The following STK32C variants were observed in gnomAD, a reference collection of about 807,000 sequenced individuals.
The protein encoded by STK32C is serine/threonine kinase 32C.
Under a neutral mutation model 56.5 loss-of-function variants are expected in STK32C, and 31 were observed. The ratio of observed to expected loss-of-function variants is 0.55; its 90% confidence interval spans 0.41 to 0.74. The LOEUF is 0.74. Among genes scored for constraint, STK32C ranks in the 30% least tolerant of loss-of-function variants. The pLI is 0.00. For synonymous variants in STK32C, 309 were observed against 289.4 expected, an observed-to-expected ratio of 1.07 and a Z score of -0.69; for missense variants, 544 against 676.9, an observed-to-expected ratio of 0.80 and a Z score of 2.18.
intron 1 of STK32C, among the ~76,000 whole-genome samples, chr10:132,297,818 G>A (rs946130940): frequency 2.6e-5 from 4 of 152,208 alleles, no homozygotes; most frequent in Admixed American, 6.5e-5. Context: ...GTGCACACCC[G>A]CCTGGTCTCT....
At chr10:132,248,152 C>T (rs1423094116) in intron 1 of STK32C, among the ~76,000 whole-genome samples, 2 of 152,230 alleles carry the variant, frequency 1.3e-5, no homozygotes, top group African/African-American at 2.4e-5. Context: ...CAGCCCGGGC[C>T]GCGGCCGCAC....
intron 1 of STK32C, among the ~76,000 whole-genome samples, chr10:132,264,554 G>A (rs1469955642): frequency 6.6e-6 from 1 of 152,212 alleles, no homozygotes; most frequent in East Asian, 1.9e-4. Flanking sequence ...CTCAGGGAGA[G>A]GAGGGACCCG....
At chr10:132,273,728 GAGTGAATGAATGCAC>G (rs1429180414) in intron 1 of STK32C, among the ~76,000 whole-genome samples, 3 of 152,204 alleles carry the variant, frequency 2.0e-5, no homozygotes, top group Non-Finnish European at 4.4e-5. Context: ...AACACACGGT[GAGTGAATGAATGCAC>G]AGTGAATGAA....
intron 1 of STK32C, among the ~76,000 whole-genome samples, chr10:132,253,431 CGAGGGAGCTG>C (rs1224407130): frequency 1.6e-5 from 2 of 124,460 alleles, no homozygotes; most frequent in Non-Finnish European, 3.2e-5. Flanking sequence ...TGGAGGGAGT[CGAGGGAGCTG>C]GAGGGAGTCG....
chr10:132,229,168 C>T (rs2063006142), intron 2 of STK32C, among the ~76,000 whole-genome samples: 1 of 152,252 alleles, frequency 6.6e-6, no homozygotes, highest in Non-Finnish European at 1.5e-5. Flanking sequence ...TAACCCCTGT[C>T]TGACACTCAG....
Position 132,304,263 on chromosome 10 carries a change from C to G in STK32C, c.262+3309G>C, listed in dbSNP as rs182717693. On this transcript the variant is annotated intron_variant, in intron 1 of 11. Coordinates refer to ENST00000298630, the MANE Select transcript of STK32C (RefSeq NM_173575.4). ...ACTGCAGAGTCGGGAATCTCAGCCTCGACTGCTGGTAAAACTCAAGAGGGG... is the reference window on the plus strand; with the variant it reads ...ACTGCAGAGTCGGGAATCTCAGCCTGGACTGCTGGTAAAACTCAAGAGGGG... Among the ~76,000 whole-genome samples, 5 of 152,186 alleles carry G rather than the reference C, an allele frequency of 3.3e-5. No individual in the cohort carries two copies. The South Asian group carries it at 6.2e-4, about 19-fold the overall frequency.
chr10:132,307,792 C>A lies in STK32C; in HGVS notation c.42G>T (p.Ala14=). 1.0e-6 allele frequency: 1 copy of A among 994,810 alleles called. No individual in the cohort carries two copies. The highest frequency in any genetic ancestry group is 4.4e-5 in the South Asian group (1 of 22,606). The allele number at this position is 994,810 out of a possible 1,614,324, so 61.6% of individuals were successfully genotyped here. A position where few individuals can be genotyped will look rare whatever the true frequency, so the allele number is the denominator to read the frequency against. ...GAERRGSSAA[A]SPGSPPPGRA... ...GGCCGGGGGGCGGCGAGCCCGGGGACGCCGCGGCGCTGCTGCCCCTGCGCT... is the reference window on the plus strand; with the variant it reads ...GGCCGGGGGGCGGCGAGCCCGGGGAAGCCGCGGCGCTGCTGCCCCTGCGCT... The change falls in exon 1 of 12, where the codon GCG becomes GCT. Residue 14 remains alanine (A), a synonymous_variant. Transcript: ENST00000298630. The surrounding 1 kb of genome is among the most constrained non-coding windows in gnomAD (Gnocchi z 4.4).
At chr10:132,250,962 G>C (rs968618531) in intron 1 of STK32C, among the ~76,000 whole-genome samples, 3 of 152,202 alleles carry the variant, frequency 2.0e-5, no homozygotes, top group Non-Finnish European at 4.4e-5. Context: ...TCCTCTGCCA[G>C]TGGGAGGGTA....
chr10:132,307,874 T>C lies in STK32C; in HGVS notation c.-41A>G. On this transcript the variant is annotated 5_prime_UTR_variant, in exon 1 of 12. An upstream start codon of the reference 5' UTR is lost. Coordinates refer to ENST00000298630, the MANE Select transcript of STK32C (RefSeq NM_173575.4). The surrounding 1 kb of genome is among the most constrained non-coding windows in gnomAD (Gnocchi z 4.4). ...CGCGCGGCAGCCGGAACTCGGGGCA[T>C]GGCCGGCCGGCAGGGCCGGGAGCGG... 8.8e-7 allele frequency: 1 copy of C among 1,140,630 alleles called. No individual in the cohort carries two copies. The highest frequency in any genetic ancestry group is 1.1e-6 in the Non-Finnish European group (1 of 923,498). The allele number at this position is 1,140,630 out of a possible 1,614,324, so 70.7% of individuals were successfully genotyped here. A position where few individuals can be genotyped will look rare whatever the true frequency, so the allele number is the denominator to read the frequency against.
intron 2 of STK32C, among the ~76,000 whole-genome samples, chr10:132,233,713 A>G (rs1295633538): frequency 6.6e-6 from 1 of 152,214 alleles, no homozygotes; most frequent in African/African-American, 2.4e-5. Flanking sequence ...TATGGCTGTC[A>G]GGTGTTGGTG....
At chr10:132,252,653 A>G (rs77572552) in intron 1 of STK32C, among the ~76,000 whole-genome samples, 2,706 of 152,064 alleles carry the variant, frequency 0.018, 86 homozygotes, top group African/African-American at 0.06. Flanking sequence ...GGATGGACGG[A>G]GCGGCTCGGA....
At chr10:132,272,267 G>A (rs1345379692) in intron 1 of STK32C, among the ~76,000 whole-genome samples, 2 of 152,232 alleles carry the variant, frequency 1.3e-5, no homozygotes, top group East Asian at 3.9e-4. Context: ...GAATGGCCAC[G>A]TGAGGACGCT....
Position 132,207,912 on chromosome 10 carries a change from G to A in STK32C, c.*98C>T. ...CACTGTGGGCACCGCCAGCCAGGCTGGGTGGGAACGTGAATGCCAGGCCTC... is the reference window on the plus strand; with the variant it reads ...CACTGTGGGCACCGCCAGCCAGGCTAGGTGGGAACGTGAATGCCAGGCCTC... On this transcript the variant is annotated 3_prime_UTR_variant, in exon 12 of 12. Coordinates refer to ENST00000298630, the MANE Select transcript of STK32C (RefSeq NM_173575.4). 4 of 1,228,504 alleles carry A rather than the reference G, an allele frequency of 3.3e-6. No homozygotes were observed. Among genetic ancestry groups the A allele is most frequent in the Non-Finnish European group, 3.1e-6 (3 of 974,964 alleles). The allele number at this position is 1,228,504 out of a possible 1,614,324, so 76.1% of individuals were successfully genotyped here.
At chr10:132,216,808 G>A (rs549643175) in intron 10 of STK32C, among the ~76,000 whole-genome samples, 2 of 152,356 alleles carry the variant, frequency 1.3e-5, no homozygotes, top group African/African-American at 4.8e-5. Context: ...TCCATGTGGT[G>A]TTGAGCCCGC....
chr10:132,313,258 G>A (rs749905636), intron 1 of STK32C, among the ~76,000 whole-genome samples: 1 of 152,154 alleles, frequency 6.6e-6, no homozygotes, highest in Non-Finnish European at 1.5e-5. Context: ...GCCGAGTGAC[G>A]GTTAAGTCAC....
chr10:132,308,373 C>G (rs2066150290), upstream of STK32C, among the ~76,000 whole-genome samples: 1 of 152,184 alleles, frequency 6.6e-6, no homozygotes, highest in South Asian at 2.1e-4. Flanking sequence ...GGGGGCCTCC[C>G]TCCCCTGCCT....
At chr10:132,254,696 C>T (rs1305801006) in intron 1 of STK32C, among the ~76,000 whole-genome samples, 1 of 88,122 alleles carries the variant, frequency 1.1e-5, no homozygotes, top group East Asian at 3.8e-4. Flanking sequence ...GCACCCTCCA[C>T]GAAGGCTGCC....
intron 1 of STK32C, among the ~76,000 whole-genome samples, chr10:132,295,418 G>C (rs2065708524): frequency 1.3e-5 from 2 of 152,236 alleles, no homozygotes; most frequent in South Asian, 4.1e-4. Flanking sequence ...CGAAGAAGGG[G>C]TGTTGAAGGA....
At chr10:132,245,633 C>T (rs1484511482) in intron 2 of STK32C, among the ~76,000 whole-genome samples, 1 of 152,240 alleles carries the variant, frequency 6.6e-6, no homozygotes, top group Non-Finnish European at 1.5e-5. Context: ...GGCTCCAGTT[C>T]AGCCAAAGCT....
Sources: allele counts gnomAD v4.1 joint callset (sites outside exome capture counted in the v4.1 genomes callset), GRCh38; gene constraint gnomAD v4.1.1; non-coding constraint Gnocchi (gnomAD v3.1); transcripts MANE v1.5; gene names NCBI Gene and HGNC (gene_info 2026-07-23, HGNC 2026-07-21).